Variants in ARL15 observed in about 807,000 individuals in gnomAD.
ARL15 encodes the protein ARF like GTPase 15.
ARL15 carries 19 observed loss-of-function variants against 25.2 expected under a neutral mutation model. That is an observed-to-expected ratio of 0.75 (90% confidence interval 0.53 to 1.10). ARL15 has a LOEUF of 1.10. ARL15 is among the 50% of genes least tolerant of loss of function. The pLI is 0.00. For synonymous variants in ARL15, 94 were observed against 86.8 expected, an observed-to-expected ratio of 1.08 and a Z score of -0.46; for missense variants, 220 against 246.0, an observed-to-expected ratio of 0.89 and a Z score of 0.71.
intron 1 of ARL15, among the ~76,000 whole-genome samples, chr5:54,197,123 GTTTTT>G (rs539582872): frequency 3.4e-5 from 5 of 148,432 alleles, no homozygotes; most frequent in African/African-American, 1.2e-4. Context: ...TTTTCAGTTT[GTTTTT>G]TTTTTATTTT....
intron 1 of ARL15, among the ~76,000 whole-genome samples, chr5:54,182,926 T>C (rs1755104223): frequency 6.7e-6 from 1 of 148,874 alleles, no homozygotes; most frequent in Admixed American, 6.7e-5. Flanking sequence ...GAATGGGAGT[T>C]CACTCATGAT....
intron 4 of ARL15, among the ~76,000 whole-genome samples, chr5:53,940,695 T>C (rs1746514502): frequency 6.6e-6 from 1 of 152,234 alleles, no homozygotes. Flanking sequence ...GAAGGAAACA[T>C]GCATACTTCA....
chr5:54,033,998 A>T (rs1431769389), intron 4 of ARL15, among the ~76,000 whole-genome samples: 1 of 152,018 alleles, frequency 6.6e-6, no homozygotes, highest in Non-Finnish European at 1.5e-5. Flanking sequence ...TATTTTTAGT[A>T]AAGACGGGGT....
At chr5:53,897,314 A>G (rs1218801422) in intron 4 of ARL15, among the ~76,000 whole-genome samples, 2 of 152,232 alleles carry the variant, frequency 1.3e-5, no homozygotes, top group Non-Finnish European at 2.9e-5. Flanking sequence ...GCCTATTCTG[A>G]ACATTTCATA....
chr5:53,940,653 G>C (rs1173888714), intron 4 of ARL15, among the ~76,000 whole-genome samples: 2 of 152,140 alleles, frequency 1.3e-5, no homozygotes, highest in Admixed American at 1.3e-4. Context: ...TGCTTAAACA[G>C]AGAACAATTA....
intron 1 of ARL15, among the ~76,000 whole-genome samples, chr5:54,198,206 A>C (rs1373592738): frequency 6.6e-6 from 1 of 152,120 alleles, no homozygotes; most frequent in African/African-American, 2.4e-5. Flanking sequence ...ATGGGCAAAA[A>C]CTGGAAGCAT....
intron 4 of ARL15, among the ~76,000 whole-genome samples, chr5:53,950,016 GA>G (rs964232114): frequency 2.6e-5 from 4 of 152,052 alleles, no homozygotes; most frequent in African/African-American, 9.6e-5. Flanking sequence ...AAGCGATGCA[GA>G]AAAAAAGGCA....
At chr5:54,021,090 C>G (rs941139315) in intron 4 of ARL15, among the ~76,000 whole-genome samples, 2 of 152,208 alleles carry the variant, frequency 1.3e-5, no homozygotes, top group African/African-American at 2.4e-5. Flanking sequence ...AATCCCAGCA[C>G]TTTGGAAGGC....
intron 4 of ARL15, among the ~76,000 whole-genome samples, chr5:53,966,042 CTG>C (rs1259141260): frequency 6.6e-6 from 1 of 152,116 alleles, no homozygotes; most frequent in Non-Finnish European, 1.5e-5. Flanking sequence ...CTCCAAAAGG[CTG>C]TCTTTTTGGT....
Position 54,037,892 on chromosome 5 carries a change from T to A in ARL15, c.462+75310A>T, listed in dbSNP as rs565704764. ...TTGGCAGCAATATAATGATTTTAAT[T>A]CAAGGCTTTCCAAATTCTGCAAACA... On this transcript the variant is annotated intron_variant, in intron 4 of 4. Transcript: ENST00000504924. Among the ~76,000 whole-genome samples the A allele has an allele frequency of 2.6e-5, 4 of 152,244 alleles. No individual in the cohort carries two copies. The East Asian group carries it at 7.7e-4, about 29-fold the overall frequency.
At chr5:53,903,083 A>G (rs988756839) in intron 4 of ARL15, among the ~76,000 whole-genome samples, 5 of 152,160 alleles carry the variant, frequency 3.3e-5, no homozygotes, top group African/African-American at 1.2e-4. Context: ...AAGAAAAGCT[A>G]AGTGGTAATC....
At chr5:54,091,930 G>T (rs1312175376) in intron 4 of ARL15, among the ~76,000 whole-genome samples, 1 of 152,140 alleles carries the variant, frequency 6.6e-6, no homozygotes, top group Non-Finnish European at 1.5e-5. Flanking sequence ...GGGCTTGCCA[G>T]CCCTTGGCAG....
chr5:54,231,317 C>T (rs1459645628), intron 1 of ARL15, among the ~76,000 whole-genome samples: 3 of 152,118 alleles, frequency 2.0e-5, no homozygotes, highest in African/African-American at 4.8e-5. Context: ...AACTGTTTCT[C>T]GAAACCAAGT....
chr5:54,243,019 AC>A (rs1384951929), intron 1 of ARL15, among the ~76,000 whole-genome samples: 1 of 152,188 alleles, frequency 6.6e-6, no homozygotes, highest in Non-Finnish European at 1.5e-5. Flanking sequence ...AGTATGAAAA[AC>A]ATCCTCCTGT....
At chr5:54,195,686 A>C (rs1755529754) in intron 1 of ARL15, among the ~76,000 whole-genome samples, 1 of 152,176 alleles carries the variant, frequency 6.6e-6, no homozygotes, top group Non-Finnish European at 1.5e-5. Flanking sequence ...ATCAGTGCTC[A>C]ATCCTTCAAC....
At chr5:54,237,036 T>G (rs2112567158) in intron 1 of ARL15, among the ~76,000 whole-genome samples, 1 of 152,330 alleles carries the variant, frequency 6.6e-6, no homozygotes, top group Admixed American at 6.5e-5. Flanking sequence ...TGATATGGTT[T>G]GGCTGTGTCC....
chr5:54,125,504 G>A (rs1753220311), intron 3 of ARL15, among the ~76,000 whole-genome samples: 1 of 152,176 alleles, frequency 6.6e-6, no homozygotes, highest in Non-Finnish European at 1.5e-5. Flanking sequence ...GAATTAGAAA[G>A]AGATCCTTTT....
chr5:54,082,851 A>G (rs1751846679), intron 4 of ARL15, among the ~76,000 whole-genome samples: 1 of 152,240 alleles, frequency 6.6e-6, no homozygotes, highest in Non-Finnish European at 1.5e-5. Flanking sequence ...ATTAAATGGT[A>G]TATTAAGGAA....
At chr5:54,023,575 G>A (rs1459716714) in intron 4 of ARL15, among the ~76,000 whole-genome samples, 3 of 151,562 alleles carry the variant, frequency 2.0e-5, no homozygotes, top group South Asian at 2.1e-4. Context: ...ACATTATACC[G>A]TTGGGGCTCA....
Sources: allele counts gnomAD v4.1 joint callset (sites outside exome capture counted in the v4.1 genomes callset), GRCh38; gene constraint gnomAD v4.1.1; transcripts MANE v1.5; gene names NCBI Gene and HGNC (gene_info 2026-07-23, HGNC 2026-07-21).